DNAH5: variants seen among roughly 807,000 people sequenced by gnomAD.
DNAH5 encodes dynein axonemal heavy chain 5.
Under a neutral mutation model 518.2 loss-of-function variants are expected in DNAH5, and 372 were observed. The ratio of observed to expected loss-of-function variants is 0.72; its 90% CI spans 0.66 to 0.78. The LOEUF (loss-of-function observed/expected upper bound fraction) is 0.78. Among genes scored for constraint, DNAH5 ranks in the 30% least tolerant of loss-of-function variants. The pLI is 0.00. For synonymous variants in DNAH5, 2,039 were observed against 2,025.9 expected (o/e 1.01, Z -0.17); for missense variants, 5,523 against 5,687.0 (o/e 0.97, Z 0.93).
chr5:13,814,850 G>GAAT lies in DNAH5; in HGVS notation c.6989-7_6989-5dup, dbSNP rs1460888052. ...AGAATTATCCAGATATGTTCCCCTA[G>GAAT]AATACCCCACCAAAGGGAAAAAAAA... On this transcript the variant is annotated splice_polypyrimidine_tract_variant and splice_region_variant and intron_variant, in intron 42 of 78. Transcript: ENST00000265104. 1.1e-5 allele frequency: 18 copies of GAAT among 1,612,266 alleles called. No individual in the cohort carries two copies. Among genetic ancestry groups the GAAT allele is most frequent in the Non-Finnish European group, 1.4e-5 (17 of 1,179,614 alleles).
intron 59 of DNAH5, among the ~76,000 whole-genome samples, chr5:13,764,071 G>T (rs1445565360): frequency 1.3e-5 from 2 of 152,208 alleles, no homozygotes; most frequent in Non-Finnish European, 2.9e-5. Context: ...CCAAAAGAAA[G>T]ATGGTGCTGA....
intron 50 of DNAH5, among the ~76,000 whole-genome samples, chr5:13,789,648 G>C (rs1458467280): frequency 6.6e-6 from 1 of 152,196 alleles, no homozygotes; most frequent in Non-Finnish European, 1.5e-5. Context: ...GGAGTTGAAT[G>C]AAGTATATTC....
Position 13,913,774 on chromosome 5 carries a change from T to C in DNAH5, c.1505A>G (p.Glu502Gly). The C allele has an allele frequency of 1.2e-6, 2 of 1,613,530 alleles. No individual in the cohort carries two copies. The highest frequency in any genetic ancestry group is 1.7e-6 in the Non-Finnish European group (2 of 1,179,490). The change falls in exon 11 of 79, where the codon GAA (glutamate) becomes GGA (glycine). Residue 502 changes from glutamate to glycine, a missense_variant. Transcript: ENST00000265104. ...TTTAGTGGCCATGTCTTCCAGCCCT[T>C]CAATTGTGGAATCTTGCAGGACTGA... is the stretch of plus-strand genomic sequence containing the variant. Reference protein sequence around the residue: ...TYSVLQDSTIEGLEDMATKYQ... With the variant: ...TYSVLQDSTIGGLEDMATKYQ...
In DNAH5 at chr5:13,864,572, T is replaced by G; in HGVS notation, c.4421A>C (p.Asp1474Ala). The change falls in exon 28 of 79, where the codon GAT becomes GCT. Residue 1474 changes from aspartate to alanine, a missense_variant. By Grantham distance (126) the Asp-to-Ala change is moderately radical. This residue lies in a region of DNAH5 where 5,121 missense variants were observed against 5,223.3 expected (regional missense o/e 0.98). Transcript: ENST00000265104. ...QAFLDLKKIIDDFSECCPLLE... is the reference protein window; with the variant it reads ...QAFLDLKKIIADFSECCPLLE... ...CAGCGGGCAACACTCGCTGAAATCATCAATGATCTTCTTCAGGTCCAAAAA... is the reference window on the plus strand; with the variant it reads ...CAGCGGGCAACACTCGCTGAAATCAGCAATGATCTTCTTCAGGTCCAAAAA... The G allele has an allele frequency of 6.2e-7, 1 of 1,614,122 alleles. No homozygotes were observed. The highest frequency in any genetic ancestry group is 8.5e-7 in the Non-Finnish European group (1 of 1,180,018).
chr5:13,989,607 C>A (rs1464250846), intron 1 of DNAH5, among the ~76,000 whole-genome samples: 2 of 151,682 alleles, frequency 1.3e-5, no homozygotes, highest in African/African-American at 4.8e-5. Context: ...CCTCAGCCTC[C>A]GGAGTAGCTG....
At chr5:13,794,194 T>C in intron 47 of DNAH5, 136 bp from the exon 48 acceptor site, 1 of 1,028,466 alleles carries the variant, frequency 9.7e-7, no homozygotes, top group Non-Finnish European at 1.4e-6. Context: ...TCCCCCTTAA[T>C]TCTAACAAAT....
chr5:13,862,475 G>T, intron 29 of DNAH5, 73 bp downstream of exon 29: 1 of 1,432,164 alleles, frequency 7.0e-7, no homozygotes, highest in African/African-American at 1.4e-5. Flanking sequence ...TATTGTAATG[G>T]ATTTTTCATT....
At chr5:13,884,943 C>T in intron 19 of DNAH5, 46 bp downstream of exon 19, 1 of 1,613,074 alleles carries the variant, frequency 6.2e-7, no homozygotes, top group Non-Finnish European at 8.5e-7. Flanking sequence ...CATACCCCAG[C>T]AACTATGCCT....
chr5:13,728,408 A>G (rs1746043196), intron 69 of DNAH5, among the ~76,000 whole-genome samples: 1 of 152,162 alleles, frequency 6.6e-6, no homozygotes, highest in African/African-American at 2.4e-5. Context: ...TCAAAGGCAA[A>G]TCATTCCAGG....
Position 13,742,277 on chromosome 5 carries a change from T to C in DNAH5, c.11212-4782A>G, listed in dbSNP as rs570702393. Among the ~76,000 whole-genome samples the C allele has an allele frequency of 8.4e-4, 128 of 152,226 alleles. 1 individual carries two copies. The highest frequency in any genetic ancestry group is 2.9e-3 in the African/African-American group (122 of 41,562). On this transcript the variant is annotated intron_variant, in intron 65 of 78. Transcript: ENST00000265104. ...AAGCAGAACCAGGTCTTATCAATTC[T>C]TGCTGCACAAAAACTTTTACCTTTC...
chr5:13,937,522 A>G (rs1779039588), intron 1 of DNAH5, among the ~76,000 whole-genome samples: 1 of 146,356 alleles, frequency 6.8e-6, no homozygotes, highest in African/African-American at 2.6e-5. Context: ...GGTAGTCAGT[A>G]GGTGATGCTC....
intron 60 of DNAH5, 141 bp downstream of exon 60, chr5:13,762,579 GGC>G (rs1751930151): frequency 1.4e-6 from 1 of 720,830 alleles, no homozygotes; most frequent in African/African-American, 1.8e-5. Flanking sequence ...TCCCATGCTT[GGC>G]CTTTCTATGC....
chr5:13,997,714 C>T (rs1281656755), intron 1 of DNAH5, among the ~76,000 whole-genome samples: 2 of 152,240 alleles, frequency 1.3e-5, no homozygotes, highest in Non-Finnish European at 2.9e-5. Flanking sequence ...GCTGCTTCCA[C>T]ATTTTCAGGT....
At chr5:13,751,603 C>A (rs561950258) in intron 64 of DNAH5, among the ~76,000 whole-genome samples, 1 of 152,070 alleles carries the variant, frequency 6.6e-6, no homozygotes, top group Non-Finnish European at 1.5e-5. Flanking sequence ...TACACATGCA[C>A]CGAAAGAGTA....
At chr5:13,726,240 C>T (rs1036832507) in intron 70 of DNAH5, among the ~76,000 whole-genome samples, 1 of 152,176 alleles carries the variant, frequency 6.6e-6, no homozygotes. Context: ...GCCTTCTAAA[C>T]CTTGTTTAGG....
At position 13,809,201 on chromosome 5, in the gene DNAH5, G is replaced by A; in HGVS notation, c.7610-15C>T. On this transcript the variant is annotated splice_polypyrimidine_tract_variant and intron_variant, in intron 45 of 78. Transcript: ENST00000265104. ...CGTCCATGTACCTAAGGTGAGCAGA[G>A]GACATTTCCATCTCCATATTAATAA... 2 of 1,613,814 alleles carry A rather than the reference G, an allele frequency of 1.2e-6. No homozygotes were observed. The highest frequency in any genetic ancestry group is 1.7e-6 in the Non-Finnish European group (2 of 1,179,816).
chr5:13,840,207 T>C (rs1379372436), intron 34 of DNAH5, among the ~76,000 whole-genome samples: 1 of 152,258 alleles, frequency 6.6e-6, no homozygotes, highest in Non-Finnish European at 1.5e-5. Flanking sequence ...ATGTGCTGCC[T>C]TTACTTCCAT....
At chr5:13,965,392 T>A (rs2152051457) in intron 1 of DNAH5, among the ~76,000 whole-genome samples, 1 of 152,282 alleles carries the variant, frequency 6.6e-6, no homozygotes, top group South Asian at 2.1e-4. Flanking sequence ...TAATGCAAGT[T>A]TTTCACAGGA....
At chr5:13,982,179 CG>C (rs1419292536) in intron 1 of DNAH5, among the ~76,000 whole-genome samples, 1 of 152,250 alleles carries the variant, frequency 6.6e-6, no homozygotes, top group East Asian at 1.9e-4. Context: ...TTTCTCTTAT[CG>C]TATGACAATA....
Sources: gnomAD v4.1 joint callset for allele counts (sites outside exome capture counted in the v4.1 genomes callset) on GRCh38, gnomAD v4.1.1 for gene constraint, gnomAD v4.1.1 regional missense constraint, MANE v1.5 for transcripts, NCBI Gene and HGNC (gene_info 2026-07-23, HGNC 2026-07-21) for gene names.